The following PTPRM variants were observed in gnomAD, a reference collection of about 807,000 sequenced individuals.
The protein encoded by PTPRM is protein tyrosine phosphatase receptor type M.
Under a neutral mutation model 186.7 loss-of-function variants are expected in PTPRM, and 47 were observed. The ratio of observed to expected loss-of-function variants is 0.25; its 90% CI spans 0.20 to 0.32. The LOEUF is 0.32. PTPRM is among the 10% of genes least tolerant of loss of function. The pLI is 1.00. For missense variants in PTPRM, 1,494 were observed against 1,865.0 expected, an observed-to-expected ratio of 0.80 and a Z score of 3.66; for synonymous variants, 668 against 674.9, an observed-to-expected ratio of 0.99 and a Z score of 0.16.
At chr18:8,021,329 CA>C (rs2085212229) in intron 7 of PTPRM, among the ~76,000 whole-genome samples, 1 of 123,862 alleles carries the variant, frequency 8.1e-6, no homozygotes, top group Non-Finnish European at 1.8e-5. Context: ...CACACACACA[CA>C]CACACACACA....
chr18:7,625,001 C>T (rs2038026589), intron 1 of PTPRM, among the ~76,000 whole-genome samples: 1 of 152,136 alleles, frequency 6.6e-6, no homozygotes, highest in Non-Finnish European at 1.5e-5. Context: ...CCTCCATTAG[C>T]TACTATTTTC....
chr18:7,737,101 G>A (rs2040787118), intron 1 of PTPRM, among the ~76,000 whole-genome samples: 1 of 151,532 alleles, frequency 6.6e-6, no homozygotes, highest in South Asian at 2.1e-4. Flanking sequence ...ACCACGCCCA[G>A]CCCCAACTCT....
intron 11 of PTPRM, among the ~76,000 whole-genome samples, chr18:8,112,643 G>T (rs905535918): frequency 2.0e-5 from 3 of 152,134 alleles, no homozygotes; most frequent in Non-Finnish European, 4.4e-5. Context: ...CATCACTCTG[G>T]CAAATGTATT....
intron 1 of PTPRM, among the ~76,000 whole-genome samples, chr18:7,670,970 AACATT>A (rs2039205339): frequency 6.6e-6 from 1 of 152,210 alleles, no homozygotes; most frequent in South Asian, 2.1e-4. Context: ...TAAATATTAT[AACATT>A]ACATTTTTGT....
intron 7 of PTPRM, among the ~76,000 whole-genome samples, chr18:8,047,350 TC>T (rs1417315548): frequency 6.6e-6 from 1 of 152,172 alleles, no homozygotes; most frequent in Non-Finnish European, 1.5e-5. Context: ...GATATGCACA[TC>T]AAACTGTGAT....
intron 7 of PTPRM, among the ~76,000 whole-genome samples, chr18:7,980,199 T>C (rs2082471907): frequency 6.6e-6 from 1 of 152,108 alleles, no homozygotes; most frequent in Admixed American, 6.6e-5. Context: ...GTCTTTCTAC[T>C]ACCTCACCTC....
At chr18:7,817,166 G>A (rs1425847925) in intron 2 of PTPRM, among the ~76,000 whole-genome samples, 1 of 151,924 alleles carries the variant, frequency 6.6e-6, no homozygotes, top group Non-Finnish European at 1.5e-5. Context: ...CTAGAAACAG[G>A]GTTTTGCCAT....
chr18:8,289,224 C>T (rs1017858621), intron 19 of PTPRM, among the ~76,000 whole-genome samples: 18 of 151,782 alleles, frequency 1.2e-4, no homozygotes, highest in African/African-American at 4.4e-4. Context: ...CCCAATAGAG[C>T]TTCACAAACC....
chr18:8,155,414 G>A (rs572774538), intron 14 of PTPRM, among the ~76,000 whole-genome samples: 15 of 152,130 alleles, frequency 9.9e-5, no homozygotes, highest in Non-Finnish European at 1.6e-4. Flanking sequence ...TAATTAAAGA[G>A]TTAGGCATTC....
At chr18:7,959,579 C>T (rs1023090502) in intron 7 of PTPRM, among the ~76,000 whole-genome samples, 3 of 152,186 alleles carry the variant, frequency 2.0e-5, no homozygotes. Context: ...TGTATTGTAA[C>T]ACACTTCCAA....
At chr18:7,858,342 A>G (rs1220738727) in intron 2 of PTPRM, among the ~76,000 whole-genome samples, 1 of 152,086 alleles carries the variant, frequency 6.6e-6, no homozygotes, top group Non-Finnish European at 1.5e-5. Flanking sequence ...GGATCACTTG[A>G]GGCTGGGAGT....
intron 24 of PTPRM, among the ~76,000 whole-genome samples, chr18:8,374,735 T>G (rs948618439): frequency 1.3e-5 from 2 of 152,240 alleles, no homozygotes; most frequent in Non-Finnish European, 2.9e-5. Context: ...CACAGAGAAG[T>G]AAAGCTTCAG....
At chr18:8,346,666 C>T (rs183249785) in intron 23 of PTPRM, among the ~76,000 whole-genome samples, 1 of 152,260 alleles carries the variant, frequency 6.6e-6, no homozygotes, top group African/African-American at 2.4e-5. Flanking sequence ...AGAGAAGTTC[C>T]TGCCCATTCC....
intron 1 of PTPRM, among the ~76,000 whole-genome samples, chr18:7,678,005 G>A (rs2039387667): frequency 6.6e-6 from 1 of 152,060 alleles, no homozygotes. Flanking sequence ...TGAGTGTATG[G>A]CAGGCACTTG....
intron 2 of PTPRM, among the ~76,000 whole-genome samples, chr18:7,784,579 T>G (rs568594041): frequency 6.6e-6 from 1 of 152,346 alleles, no homozygotes; most frequent in South Asian, 2.1e-4. Context: ...ATGTTTCAGC[T>G]TTTTATAAAA....
intron 1 of PTPRM, among the ~76,000 whole-genome samples, chr18:7,656,396 G>C (rs2038848994): frequency 1.3e-5 from 2 of 152,124 alleles, no homozygotes; most frequent in African/African-American, 4.8e-5. Context: ...GTAGAATTGT[G>C]GTTCCCCGGG....
At chr18:8,382,225 A>C (rs2095741526) in intron 29 of PTPRM, among the ~76,000 whole-genome samples, 1 of 152,174 alleles carries the variant, frequency 6.6e-6, no homozygotes, top group African/African-American at 2.4e-5. Flanking sequence ...CATTTAAGCC[A>C]TTTTCTACAT....
intron 1 of PTPRM, among the ~76,000 whole-genome samples, chr18:7,658,391 A>C (rs1034760556): frequency 1.3e-5 from 2 of 148,772 alleles, no homozygotes; most frequent in Non-Finnish European, 3.0e-5. Flanking sequence ...ATAAAAATGA[A>C]CAACTTTAGT....
intron 4 of PTPRM, among the ~76,000 whole-genome samples, chr18:7,922,199 A>G (rs2050906328): frequency 6.6e-6 from 1 of 152,224 alleles, no homozygotes; most frequent in Admixed American, 6.5e-5. Context: ...ATATACCAGT[A>G]GTGTGGGAAG....
Sources: allele counts gnomAD v4.1 joint callset (sites outside exome capture counted in the v4.1 genomes callset), GRCh38; gene constraint gnomAD v4.1.1; transcripts MANE v1.5; gene names NCBI Gene and HGNC (gene_info 2026-07-23, HGNC 2026-07-21).